The following LYN variants were observed in gnomAD, a reference collection of about 807,000 sequenced individuals.
LYN encodes the protein tyrosine-protein kinase Lyn.
In LYN, 12 loss-of-function variants were observed where a neutral mutation model predicts 65.0. The observed-to-expected ratio is 0.18, with a 90% CI of 0.12 to 0.30. The LOEUF (loss-of-function observed/expected upper bound fraction) is 0.30. Among genes scored for constraint, LYN ranks in the 10% least tolerant of loss-of-function variants. The probability of loss-of-function intolerance (pLI) is 1.00; values close to 1 mark genes in which losing one functional copy is unlikely to be tolerated. For synonymous variants in LYN, 222 were observed against 221.2 expected (o/e 1.00, Z -0.03); for missense variants, 380 against 623.2 (o/e 0.61, Z 4.16).
At chr8:55,965,052 C>T (rs2130520568) in intron 8 of LYN, among the ~76,000 whole-genome samples, 1 of 151,932 alleles carries the variant, frequency 6.6e-6, no homozygotes, top group Non-Finnish European at 1.5e-5. Context: ...TTAACATTTC[C>T]AAGAGAAAGA....
At chr8:55,887,705 G>T (rs746849670) in intron 1 of LYN, among the ~76,000 whole-genome samples, 1 of 151,224 alleles carries the variant, frequency 6.6e-6, no homozygotes, top group Non-Finnish European at 1.5e-5. Flanking sequence ...CACCTCCCGG[G>T]TTCAAGTGAT....
Position 55,953,836 on chromosome 8 carries a change from G to A in LYN, c.642G>A (p.Gln214=), listed in dbSNP as rs1425369972. 6.2e-7 allele frequency: 1 copy of A among 1,613,720 alleles called. No homozygotes were observed. The highest frequency in any genetic ancestry group is 1.7e-5 in the Admixed American group (1 of 59,882). ...ISDMIKHYQK[Q]ADGLCRRLEK... ...CATTTTTCCCTTTCAAATTAGAGCA[G>A]GCAGATGGCTTGTGCAGAAGATTGG... Residue 214 remains glutamine (Q), a synonymous_variant, in exon 8 of 13, where the codon CAG becomes CAA. Coordinates refer to ENST00000519728, the MANE Select transcript of LYN (RefSeq NM_002350.4).
At chr8:55,881,364 G>C (rs111253430) in intron 1 of LYN, among the ~76,000 whole-genome samples, 9 of 152,216 alleles carry the variant, frequency 5.9e-5, no homozygotes, top group African/African-American at 1.9e-4. Flanking sequence ...GTGGGCTACA[G>C]GGATGTTTTC....
rs186221464 is a variant in LYN, at chr8:56,003,106, C to T, written c.1336+3557C>T. Among the ~76,000 whole-genome samples, 274 of 150,064 alleles carry T rather than the reference C, an allele frequency of 1.8e-3. 2 individuals are homozygous for T. Among genetic ancestry groups the T allele is most frequent in the Admixed American group, 0.015 (230 of 15,118 alleles). On this transcript the variant is annotated intron_variant, in intron 12 of 12. Transcript: ENST00000519728. ...ACAGAATCTCGCTCTGTTGCCCAGG[C>T]TGGAGTGCAGTGGCGTGATCTCGGC...
intron 1 of LYN, among the ~76,000 whole-genome samples, chr8:55,901,461 T>C (rs192738485): frequency 5.0e-4 from 76 of 152,336 alleles, no homozygotes; most frequent in Admixed American, 2.9e-3. Context: ...AGACTCCTTC[T>C]TGGGCTCATG....
intron 8 of LYN, among the ~76,000 whole-genome samples, chr8:55,963,698 A>G (rs1807355090): frequency 6.6e-6 from 1 of 152,206 alleles, no homozygotes; most frequent in Non-Finnish European, 1.5e-5. Flanking sequence ...TTTATTACTC[A>G]TATGAATTTC....
intron 1 of LYN, among the ~76,000 whole-genome samples, chr8:55,911,285 A>AT (rs1209633804): frequency 0.014 from 399 of 27,774 alleles, 59 homozygotes; most frequent in Non-Finnish European, 0.018. Context: ...ATATATATAT[A>AT]TTTTTTTTTT....
chr8:55,886,241 CTT>C (rs34839284), intron 1 of LYN, among the ~76,000 whole-genome samples: 9 of 133,400 alleles, frequency 6.7e-5, no homozygotes, highest in Admixed American at 7.8e-5. Flanking sequence ...TGTCAAACAT[CTT>C]TTTTTTTTTT....
chr8:55,882,622 T>C (rs1438646065), intron 1 of LYN, among the ~76,000 whole-genome samples: 1 of 152,222 alleles, frequency 6.6e-6, no homozygotes, highest in Non-Finnish European at 1.5e-5. Context: ...CATTGATCAA[T>C]GTCACATTGA....
At chr8:55,909,831 G>A (rs1017727290) in intron 1 of LYN, among the ~76,000 whole-genome samples, 10 of 152,064 alleles carry the variant, frequency 6.6e-5, no homozygotes, top group African/African-American at 2.4e-4. Flanking sequence ...TCTCATTGTG[G>A]TTTTAATTTG....
At chr8:55,943,575 CAAAAAAAAA>C (rs71555625) in intron 2 of LYN, among the ~76,000 whole-genome samples, 1 of 77,876 alleles carries the variant, frequency 1.3e-5, no homozygotes, top group South Asian at 4.8e-4. Flanking sequence ...GACTCTGTCT[CAAAAAAAAA>C]AAAAAAAAAA....
chr8:55,978,566 T>C (rs754270013), intron 10 of LYN, among the ~76,000 whole-genome samples: 1 of 152,112 alleles, frequency 6.6e-6, no homozygotes, highest in Non-Finnish European at 1.5e-5. Flanking sequence ...GTCATATAAA[T>C]AGGGGTTGGA....
At chr8:55,983,692 G>A (rs1047816426) in intron 10 of LYN, among the ~76,000 whole-genome samples, 8 of 152,084 alleles carry the variant, frequency 5.3e-5, no homozygotes, top group African/African-American at 7.2e-5. Flanking sequence ...CTCATGGCAC[G>A]TTTTCCTCAT....
chr8:55,990,638 G>A (rs529470060), intron 10 of LYN, among the ~76,000 whole-genome samples: 1 of 152,158 alleles, frequency 6.6e-6, no homozygotes, highest in Non-Finnish European at 1.5e-5. Context: ...CTAAAGTCTG[G>A]TTGGAATTTG....
chr8:55,960,431 A>T (rs1282355553), intron 8 of LYN, among the ~76,000 whole-genome samples: 1 of 152,182 alleles, frequency 6.6e-6, no homozygotes, highest in Middle Eastern at 3.2e-3. Flanking sequence ...TTGACTTGGG[A>T]TCTTTTGCTT....
chr8:55,999,951 A>G (rs1047433058), intron 12 of LYN, among the ~76,000 whole-genome samples: 1 of 152,238 alleles, frequency 6.6e-6, no homozygotes, highest in Non-Finnish European at 1.5e-5. Context: ...AGCCTACACG[A>G]CAGAGTGAGA....
intron 12 of LYN, among the ~76,000 whole-genome samples, chr8:56,008,126 AAAT>A (rs1563332670): frequency 7.5e-6 from 1 of 134,062 alleles, no homozygotes; most frequent in Non-Finnish European, 1.6e-5. Context: ...CTCAAAAAAA[AAAT>A]AAAATAAAAT....
chr8:55,901,931 A>C (rs961986011), intron 1 of LYN, among the ~76,000 whole-genome samples: 3 of 152,228 alleles, frequency 2.0e-5, no homozygotes, highest in Non-Finnish European at 2.9e-5. Flanking sequence ...TCATGACTGC[A>C]CAGACACGGG....
intron 1 of LYN, among the ~76,000 whole-genome samples, chr8:55,928,154 C>T (rs1038629147): frequency 2.0e-5 from 3 of 151,932 alleles, no homozygotes; most frequent in African/African-American, 4.8e-5. Context: ...TTGGTTTGTT[C>T]GTTTTGTTTG....
Sources: allele counts gnomAD v4.1 joint callset (sites outside exome capture counted in the v4.1 genomes callset), GRCh38; gene constraint gnomAD v4.1.1; transcripts MANE v1.5; gene names NCBI Gene and HGNC (gene_info 2026-07-23, HGNC 2026-07-21).